Variants in CDH9 observed in about 807,000 individuals in gnomAD.
CDH9 encodes cadherin-9.
A neutral mutation model predicts 70.9 loss-of-function variants in CDH9; 28 were observed. That is an observed-to-expected ratio of 0.40 (90% CI 0.29 to 0.54). CDH9 has a LOEUF of 0.54. Among genes scored for constraint, CDH9 ranks in the 20% least tolerant of loss-of-function variants. The pLI is 0.59. For missense variants in CDH9, 874 were observed against 984.4 expected (o/e 0.89, Z 1.50); for synonymous variants, 409 against 343.1 (o/e 1.19, Z -2.12).
intron 2 of CDH9, among the ~76,000 whole-genome samples, chr5:26,947,088 G>A (rs934205618): frequency 6.6e-6 from 1 of 152,012 alleles, no homozygotes; most frequent in Non-Finnish European, 1.5e-5. Context: ...TTTTTCACAG[G>A]AGTGTTTGAC....
At chr5:26,951,995 T>TTTTATTTTAC in intron 2 of CDH9, among the ~76,000 whole-genome samples, 1 of 150,064 alleles carries the variant, frequency 6.7e-6, no homozygotes, top group Non-Finnish European at 1.5e-5. Context: ...TTTTATTTTA[T>TTTTATTTTAC]TTTATGACAG....
At chr5:27,036,600 T>C (rs1276711029) in intron 1 of CDH9, among the ~76,000 whole-genome samples, 1 of 151,964 alleles carries the variant, frequency 6.6e-6, no homozygotes, top group Non-Finnish European at 1.5e-5. Flanking sequence ...TTGTTTTTAT[T>C]AGTACTACCA....
At chr5:26,888,304 A>G (rs1291222258) in intron 9 of CDH9, among the ~76,000 whole-genome samples, 1 of 152,128 alleles carries the variant, frequency 6.6e-6, no homozygotes, top group Non-Finnish European at 1.5e-5. Context: ...AATTTTTCCT[A>G]CTTTGAGAAT....
chr5:26,987,404 T>C (rs1742506915), intron 2 of CDH9, among the ~76,000 whole-genome samples: 1 of 151,882 alleles, frequency 6.6e-6, no homozygotes, highest in Non-Finnish European at 1.5e-5. Context: ...TAGAAAATTA[T>C]GGATGTTGGA....
rs559004685 is a variant in CDH9 at position 27,002,398 on chromosome 5, GACCCAGCCATCCCATTACTGGGTATAT to G, written c.-49-14043_-49-14017del. 4.5e-3 allele frequency among the ~76,000 whole-genome samples: 690 copies of G among 152,202 alleles called. 7 individuals are homozygous for G. The highest frequency in any genetic ancestry group is 0.016 in the African/African-American group (660 of 41,510). On this transcript the variant is annotated intron_variant, in intron 1 of 11. Coordinates refer to ENST00000231021, the MANE Select transcript of CDH9 (RefSeq NM_016279.4). ...GGATCTAGAATTAGAAATACTATTTGACCCAGCCATCCCATTACTGGGTATATACCCAAAGGAATATAAATCATGCTG... is the reference window on the plus strand; with the variant it reads ...GGATCTAGAATTAGAAATACTATTTGACCCAAAGGAATATAAATCATGCTG...
At chr5:26,924,298 G>A (rs746480917) in intron 2 of CDH9, among the ~76,000 whole-genome samples, 5 of 151,790 alleles carry the variant, frequency 3.3e-5, no homozygotes, top group African/African-American at 9.7e-5. Context: ...AAACCTAGAA[G>A]AAATGAATAA....
intron 1 of CDH9, among the ~76,000 whole-genome samples, chr5:27,000,614 A>T (rs1166966050): frequency 6.6e-6 from 1 of 152,166 alleles, no homozygotes; most frequent in Non-Finnish European, 1.5e-5. Flanking sequence ...TCACACTTAC[A>T]TATATACTTG....
At chr5:26,970,427 A>T (rs1019576707) in intron 2 of CDH9, among the ~76,000 whole-genome samples, 1 of 152,088 alleles carries the variant, frequency 6.6e-6, no homozygotes. Context: ...TTTACCTAAC[A>T]TGAGAAATGT....
rs764120846 is a variant in CDH9, at chr5:26,906,069, A to G, written c.701T>C (p.Val234Ala). The G allele has an allele frequency of 1.9e-5, 30 of 1,613,734 alleles. No homozygotes were observed. The highest frequency in any genetic ancestry group is 2.5e-5 in the Non-Finnish European group (30 of 1,179,790). The change falls in exon 5 of 12, where the codon GTT becomes GCT. Residue 234 changes from valine (V) to alanine (A), a missense_variant. By Grantham distance (64) the Val-to-Ala change is moderately conservative (BLOSUM62 0). Transcript: ENST00000231021. Reference protein sequence around the residue: ...MSRENREQYQVVIQAKDMGGQ... With the variant: ...MSRENREQYQAVIQAKDMGGQ... ...ACCCATGTCTTTGGCCTGTATAACA[A>G]CCTGGTACTGCTCTCTATTTTCTCT...
intron 2 of CDH9, among the ~76,000 whole-genome samples, chr5:26,955,849 G>T (rs1741937501): frequency 6.6e-6 from 1 of 152,164 alleles, no homozygotes; most frequent in African/African-American, 2.4e-5. Flanking sequence ...TTAAATGCAT[G>T]TTGATCAGAG....
chr5:26,954,408 A>G (rs1210768784), intron 2 of CDH9, among the ~76,000 whole-genome samples: 3 of 1,984 alleles, frequency 1.5e-3, no homozygotes, highest in Non-Finnish European at 4.0e-3. Flanking sequence ...TTTTTGAGAC[A>G]TAGTCTCGCT....
intron 2 of CDH9, among the ~76,000 whole-genome samples, chr5:26,932,069 T>G (rs1179875223): frequency 1.3e-5 from 2 of 152,190 alleles, no homozygotes; most frequent in Non-Finnish European, 2.9e-5. Flanking sequence ...TTCTAAATTC[T>G]TCATGATAAC....
intron 2 of CDH9, among the ~76,000 whole-genome samples, chr5:26,943,191 C>T (rs1316512372): frequency 6.6e-6 from 1 of 152,136 alleles, no homozygotes; most frequent in Non-Finnish European, 1.5e-5. Context: ...ACACCTCATA[C>T]TCCAACCACA....
intron 2 of CDH9, among the ~76,000 whole-genome samples, chr5:26,966,286 T>C (rs952551437): frequency 7.2e-5 from 11 of 152,196 alleles, no homozygotes; most frequent in Admixed American, 7.2e-4. Flanking sequence ...TTTTGACTTC[T>C]CTCTCTGTCC....
chr5:27,019,931 T>G (rs1743109208), intron 1 of CDH9, among the ~76,000 whole-genome samples: 1 of 151,886 alleles, frequency 6.6e-6, no homozygotes, highest in Non-Finnish European at 1.5e-5. Context: ...ATGATTGCAA[T>G]TTGAAGTATC....
At chr5:26,926,036 C>T (rs1025729342) in intron 2 of CDH9, among the ~76,000 whole-genome samples, 1 of 152,132 alleles carries the variant, frequency 6.6e-6, no homozygotes, top group Admixed American at 6.6e-5. Flanking sequence ...TGGCACAAGA[C>T]AGGGATGCCC....
Position 26,881,075 on chromosome 5 carries a change from C to A in CDH9, c.*61G>T. 1 of 1,423,696 alleles carries A rather than the reference C, an allele frequency of 7.0e-7. No individual in the cohort carries two copies. Among genetic ancestry groups the A allele is most frequent in the Non-Finnish European group, 9.5e-7 (1 of 1,051,010 alleles). 88.2% of individuals were successfully genotyped at this position (1,423,696 alleles called of 1,614,324 possible). On this transcript the variant is annotated 3_prime_UTR_variant, in exon 12 of 12. Coordinates refer to ENST00000231021, the MANE Select transcript of CDH9 (RefSeq NM_016279.4). ...TTTCCTCCCAGGAAGAGAATGCAGG[C>A]CACTCAATCTAATAACATAGACAGT... is the stretch of plus-strand genomic sequence containing the variant.
intron 1 of CDH9, among the ~76,000 whole-genome samples, chr5:26,998,546 C>G (rs1490520784): frequency 1.3e-5 from 2 of 151,126 alleles, no homozygotes; most frequent in African/African-American, 4.9e-5. Context: ...CACATGGACA[C>G]AGGAAGGGGA....
intron 2 of CDH9, among the ~76,000 whole-genome samples, chr5:26,933,423 C>A (rs1309087233): frequency 6.6e-6 from 1 of 151,618 alleles, no homozygotes; most frequent in African/African-American, 2.4e-5. Flanking sequence ...TAAAAGGAAT[C>A]AATGAAACTA....
Sources: gnomAD v4.1 joint callset for allele counts (sites outside exome capture counted in the v4.1 genomes callset) on GRCh38, gnomAD v4.1.1 for gene constraint, MANE v1.5 for transcripts, NCBI Gene and HGNC (gene_info 2026-07-23, HGNC 2026-07-21) for gene names.